Variants in ZNF469 observed in about 807,000 individuals in gnomAD.
ZNF469 encodes the protein zinc finger protein 469.
In ZNF469, 1 loss-of-function variant was observed where a neutral mutation model predicts 1.0. That is an observed-to-expected ratio of 1.00 (90% CI 0.35 to 4.73). ZNF469 has a LOEUF of 4.73. Among genes scored for constraint, ZNF469 ranks in the 30% most tolerant of loss-of-function variants. The pLI is 0.16. For synonymous variants in ZNF469, 2,703 were observed against 2,363.4 expected, an observed-to-expected ratio of 1.14 and a Z score of -4.17; for missense variants, 6,100 against 5,356.3, an observed-to-expected ratio of 1.14 and a Z score of -4.33.
chr16:88,413,170 G>A (rs894055849), intron 1 of ZNF469, among the ~76,000 whole-genome samples: 2 of 152,226 alleles, frequency 1.3e-5, no homozygotes, highest in Admixed American at 6.5e-5. Flanking sequence ...CTGGGTCCCC[G>A]CACGCACGTG....
At chr16:88,296,421 C>T in the ZNF469 span, among the ~76,000 whole-genome samples, 2 of 151,924 alleles carry the variant, frequency 1.3e-5, no homozygotes, top group South Asian at 4.1e-4. Context: ...CCCATGCTCA[C>T]ACACATACAT....
At chr16:88,143,466 C>G in the ZNF469 span, among the ~76,000 whole-genome samples, 1 of 152,108 alleles carries the variant, frequency 6.6e-6, no homozygotes, top group African/African-American at 2.4e-5. Flanking sequence ...CCCCCCCACT[C>G]CTTCCCCCTA....
At chr16:88,257,640 T>C in the ZNF469 span, among the ~76,000 whole-genome samples, 1 of 152,166 alleles carries the variant, frequency 6.6e-6, no homozygotes. Context: ...TTTTATAGTT[T>C]TTCATTTTTC....
chr16:88,333,010 C>T, the ZNF469 span, among the ~76,000 whole-genome samples: 3 of 152,220 alleles, frequency 2.0e-5, no homozygotes, highest in Non-Finnish European at 4.4e-5. Context: ...CAGAGGTGCA[C>T]TCTGGCACCA....
chr16:88,241,036 C>T, the ZNF469 span, among the ~76,000 whole-genome samples: 5 of 152,148 alleles, frequency 3.3e-5, no homozygotes, highest in African/African-American at 9.7e-5. The surrounding 1 kb of genome is among the most constrained non-coding windows in gnomAD (Gnocchi z 4.8). Flanking sequence ...AGGGCTCTGC[C>T]ATTGTCCCTG....
the ZNF469 span, among the ~76,000 whole-genome samples, chr16:88,242,980 C>A: frequency 6.6e-6 from 1 of 152,212 alleles, no homozygotes; most frequent in African/African-American, 2.4e-5. Flanking sequence ...GCTCACCGAA[C>A]CCCACAGGGA....
At chr16:88,294,954 G>A in the ZNF469 span, 11 of 166,102 alleles carry the variant, frequency 6.6e-5, no homozygotes, top group Admixed American at 1.8e-4. Flanking sequence ...CCCTCAGGAC[G>A]TGGCAGGGCT....
chr16:88,172,681 A>G, the ZNF469 span, among the ~76,000 whole-genome samples: 1 of 152,242 alleles, frequency 6.6e-6, no homozygotes, highest in African/African-American at 2.4e-5. Flanking sequence ...TTCACAGACA[A>G]GGATGCTAAA....
the ZNF469 span, among the ~76,000 whole-genome samples, chr16:88,153,536 G>C: frequency 1.3e-5 from 2 of 152,248 alleles, no homozygotes; most frequent in Non-Finnish European, 2.9e-5. Flanking sequence ...GGGTGAGGTT[G>C]ACCTTTGCTT....
chr16:88,266,452 C>T, the ZNF469 span, among the ~76,000 whole-genome samples: 2,904 of 152,246 alleles, frequency 0.019, 65 homozygotes, highest in African/African-American at 0.066. Context: ...CTCGTGTCCT[C>T]GGGGTCTCAC....
chr16:88,205,619 G>T, the ZNF469 span, among the ~76,000 whole-genome samples: 6 of 152,178 alleles, frequency 3.9e-5, no homozygotes, highest in Non-Finnish European at 7.3e-5. The surrounding 1 kb of genome is among the most constrained non-coding windows in gnomAD (Gnocchi z 4.2). Flanking sequence ...CAAAGAGAGG[G>T]CCTGGGGCTC....
the ZNF469 span, among the ~76,000 whole-genome samples, chr16:88,140,360 A>G: frequency 3.1e-4 from 42 of 137,468 alleles, no homozygotes; most frequent in African/African-American, 1.3e-3. Flanking sequence ...GGACGGAGCC[A>G]CGTAGAAATC....
At chr16:88,209,071 CT>C in the ZNF469 span, among the ~76,000 whole-genome samples, 1 of 152,150 alleles carries the variant, frequency 6.6e-6, no homozygotes, top group Non-Finnish European at 1.5e-5. Flanking sequence ...TCTTTTGTTT[CT>C]ATCTGCAATC....
At chr16:88,234,115 G>A in the ZNF469 span, among the ~76,000 whole-genome samples, 6 of 152,222 alleles carry the variant, frequency 3.9e-5, no homozygotes, top group Non-Finnish European at 5.9e-5. Context: ...CAGAGGAGAA[G>A]CCCTGTGTAC....
At chr16:88,240,237 T>C in the ZNF469 span, among the ~76,000 whole-genome samples, 1 of 152,220 alleles carries the variant, frequency 6.6e-6, no homozygotes, top group Non-Finnish European at 1.5e-5. Flanking sequence ...CACGGGTTTC[T>C]TTCACTTAGC....
At chr16:88,313,231 CTAAT>C in the ZNF469 span, among the ~76,000 whole-genome samples, 3 of 152,122 alleles carry the variant, frequency 2.0e-5, no homozygotes, top group Non-Finnish European at 4.4e-5. Flanking sequence ...TATTTTCTAT[CTAAT>C]TATATATGAG....
chr16:88,406,335 G>A (rs976504438), intron 1 of ZNF469, among the ~76,000 whole-genome samples: 1 of 152,228 alleles, frequency 6.6e-6, no homozygotes, highest in Admixed American at 6.5e-5. Flanking sequence ...ATGTGTCTCA[G>A]GATGGCCCTG....
At chr16:88,301,443 C>T in the ZNF469 span, among the ~76,000 whole-genome samples, 418 of 152,304 alleles carry the variant, frequency 2.7e-3, 2 homozygotes, top group Non-Finnish European at 4.7e-3. Context: ...TGTGAGCCAC[C>T]GCACCCAGTG....
chr16:88,200,473 C>T, the ZNF469 span, among the ~76,000 whole-genome samples: 9 of 152,352 alleles, frequency 5.9e-5, 1 homozygote, highest in South Asian at 4.1e-4. Context: ...CGGCAGGGAG[C>T]GAATGCACTC....
Sources: gnomAD v4.1 joint callset for allele counts (sites outside exome capture counted in the v4.1 genomes callset) on GRCh38, gnomAD v4.1.1 for gene constraint, Gnocchi (gnomAD v3.1) non-coding constraint, MANE v1.5 for transcripts, NCBI Gene and HGNC (gene_info 2026-07-23, HGNC 2026-07-21) for gene names.